The following GREB1L variants were observed in gnomAD, a reference collection of about 807,000 sequenced individuals.
GREB1L encodes the protein GREB1 like retinoic acid receptor coactivator.
GREB1L carries 17 observed loss-of-function variants against 200.8 expected under a neutral mutation model. That is an observed-to-expected ratio of 0.08 (90% CI 0.06 to 0.13). GREB1L has a LOEUF of 0.13. Among genes scored for constraint, GREB1L ranks in the 10% least tolerant of loss-of-function variants. The pLI, the probability that GREB1L is intolerant of heterozygous loss-of-function variation, is 1.00. For missense variants in GREB1L, 1,657 were observed against 2,367.7 expected (o/e 0.70, Z 6.23); for synonymous variants, 789 against 893.0 (o/e 0.88, Z 2.08).
intron 1 of GREB1L, among the ~76,000 whole-genome samples, chr18:21,249,177 A>G (rs2037657920): frequency 1.3e-5 from 2 of 152,024 alleles, no homozygotes; most frequent in African/African-American, 4.8e-5. Flanking sequence ...CTTAGTTACA[A>G]GGGGTTTGGG....
chr18:21,337,903 C>A lies in GREB1L; in HGVS notation c.-119-28124C>A, dbSNP rs2039211204. Among the ~76,000 whole-genome samples the A allele has an allele frequency of 2.0e-5, 3 of 151,992 alleles. No individual in the cohort carries two copies. The South Asian group carries it at 6.2e-4, about 32-fold the overall frequency. On this transcript the variant is annotated intron_variant, in intron 1 of 32. Coordinates refer to ENST00000424526, the MANE Select transcript of GREB1L (RefSeq NM_001142966.3). ...TCGGGAGGCTGAGGCAGGAGAATGG[C>A]GTGAACCTGGGAGGCGGAGCTTGCA...
At chr18:21,276,746 C>T (rs1242889138) in intron 1 of GREB1L, among the ~76,000 whole-genome samples, 4 of 150,652 alleles carry the variant, frequency 2.7e-5, no homozygotes, top group Non-Finnish European at 5.9e-5. Flanking sequence ...TCTAGTCTTT[C>T]TATTAAAAAA....
intron 23 of GREB1L, among the ~76,000 whole-genome samples, chr18:21,504,999 T>C (rs1269292614): frequency 6.6e-6 from 1 of 152,154 alleles, no homozygotes; most frequent in Non-Finnish European, 1.5e-5. Flanking sequence ...TTTTACCAGC[T>C]CCCAGCTGAT....
At chr18:21,328,675 C>T (rs1362772897) in intron 1 of GREB1L, among the ~76,000 whole-genome samples, 7 of 150,870 alleles carry the variant, frequency 4.6e-5, no homozygotes, top group South Asian at 4.2e-4. Context: ...TGTGTGTGTA[C>T]GTGCATATGT....
In GREB1L at chr18:21,500,115, G is replaced by A. The variant is rs753320745; in HGVS notation, c.3778G>A (p.Ala1260Thr). 1.7e-5 allele frequency: 27 copies of A among 1,551,546 alleles called. No homozygotes were observed. The highest frequency in any genetic ancestry group is 4.9e-5 in the East Asian group (2 of 40,928). The change falls in exon 22 of 33, where the codon GCC becomes ACC. Residue 1260 changes from alanine to threonine, a missense_variant. By Grantham distance (58) the Ala-to-Thr change is moderately conservative. Coordinates refer to ENST00000424526, the MANE Select transcript of GREB1L (RefSeq NM_001142966.3). ...ATCCTCCTCCTCCCTGCTGCCCCACGCCGACGTGGCCTGGGTGAGCTCCCT... is the reference window on the plus strand; with the variant it reads ...ATCCTCCTCCTCCCTGCTGCCCCACACCGACGTGGCCTGGGTGAGCTCCCT... ...LPSSSSLLPH[A>T]DVAWVSSLRP... is the part of the protein sequence containing the mutation.
At chr18:21,474,818 TG>T (rs2035621131) in intron 16 of GREB1L, among the ~76,000 whole-genome samples, 1 of 152,218 alleles carries the variant, frequency 6.6e-6, no homozygotes, top group African/African-American at 2.4e-5. Flanking sequence ...CCCATTGTCT[TG>T]GGGATTAAGA....
chr18:21,347,933 A>ATTTTT, intron 1 of GREB1L, among the ~76,000 whole-genome samples: 1 of 77,354 alleles, frequency 1.3e-5, no homozygotes, highest in Non-Finnish European at 2.3e-5. Context: ...CACTCGGCTA[A>ATTTTT]TTTTTTTTTT....
intron 19 of GREB1L, among the ~76,000 whole-genome samples, chr18:21,492,133 T>G (rs1336592198): frequency 3.3e-5 from 5 of 151,628 alleles, no homozygotes; most frequent in African/African-American, 1.2e-4. Flanking sequence ...GATCACAAGG[T>G]CAGGAGATCA....
chr18:21,485,347 C>CAA, intron 17 of GREB1L: 47 of 271,780 alleles, frequency 1.7e-4, no homozygotes, highest in South Asian at 3.0e-4. Context: ...TGTATCCCAA[C>CAA]AAAAAAAAAA....
intron 2 of GREB1L, among the ~76,000 whole-genome samples, chr18:21,373,310 A>G (rs1472087000): frequency 1.3e-5 from 2 of 152,060 alleles, no homozygotes; most frequent in Non-Finnish European, 1.5e-5. Flanking sequence ...CAAAGTGATA[A>G]TTTTATAATT....
chr18:21,410,461 G>A (rs1006792622), intron 7 of GREB1L, among the ~76,000 whole-genome samples: 1 of 151,932 alleles, frequency 6.6e-6, no homozygotes, highest in Admixed American at 6.6e-5. Context: ...TTCAAGACCA[G>A]CCTGGGCAAC....
At chr18:21,419,371 A>T (rs1235316149) in intron 7 of GREB1L, among the ~76,000 whole-genome samples, 5 of 152,258 alleles carry the variant, frequency 3.3e-5, no homozygotes, top group Admixed American at 6.5e-5. Context: ...TAAACATTGC[A>T]GGATACAGGA....
At position 21,315,951 on chromosome 18, in the gene GREB1L, C is replaced by T. The variant is rs140636708; in HGVS notation, c.-119-50076C>T. Among the ~76,000 whole-genome samples the T allele has an allele frequency of 7.4e-4, 113 of 152,292 alleles. 3 individuals are homozygous for T. The highest frequency in any genetic ancestry group is 1.5e-3 in the South Asian group (7 of 4,824). On this transcript the variant is annotated intron_variant, in intron 1 of 32. Transcript: ENST00000424526. ...AACACTCTGTGACCCGACCCTCCCC[C>T]CTGTGGGCCTGGGGTGCACACAGTG...
chr18:21,329,323 T>TA (rs35862944), intron 1 of GREB1L, among the ~76,000 whole-genome samples: 3,900 of 92,162 alleles, frequency 0.042, 96 homozygotes, highest in Non-Finnish European at 0.064. Context: ...AGACTCTGTC[T>TA]AAAAAAAAAA....
rs1350453036 is a variant in GREB1L at position 21,395,500 on chromosome 18, C to T, written c.471C>T (p.Ile157=). The T allele has an allele frequency of 1.3e-6, 2 of 1,551,140 alleles. No homozygotes were observed. The highest frequency in any genetic ancestry group is 1.7e-6 in the Non-Finnish European group (2 of 1,146,752). The change falls in exon 5 of 33, where the codon ATC becomes ATT. Residue 157 remains isoleucine, a synonymous_variant. Transcript: ENST00000424526. The part of the protein sequence containing the change: ...GAKSPNLPEH[I]LVCAVDKRFL... ...AGTCTCCCAATCTGCCTGAACACAT[C>T]CTAGTTTGTGCTGTGGACAAGCGAT...
At chr18:21,313,206 A>G (rs1459110027) in intron 1 of GREB1L, among the ~76,000 whole-genome samples, 1 of 151,882 alleles carries the variant, frequency 6.6e-6, no homozygotes, top group African/African-American at 2.4e-5. Flanking sequence ...TATTGCTGGT[A>G]GTAGAATTTT....
At chr18:21,287,285 A>T (rs1233959409) in intron 1 of GREB1L, among the ~76,000 whole-genome samples, 2 of 152,202 alleles carry the variant, frequency 1.3e-5, no homozygotes, top group Admixed American at 1.3e-4. Context: ...AAAGAATTGC[A>T]TACTCCACAC....
At chr18:21,356,904 TTA>T (rs1401665522) in intron 1 of GREB1L, among the ~76,000 whole-genome samples, 4 of 152,222 alleles carry the variant, frequency 2.6e-5, no homozygotes, top group South Asian at 2.1e-4. Flanking sequence ...TGATTTTAAT[TTA>T]TGTTTCCCTG....
chr18:21,377,547 G>A (rs1210106115), intron 2 of GREB1L, among the ~76,000 whole-genome samples: 3 of 152,200 alleles, frequency 2.0e-5, no homozygotes, highest in Admixed American at 6.5e-5. Context: ...AGGCCGAGGC[G>A]AGCAGACCAC....
Sources: gnomAD v4.1 joint callset for allele counts (sites outside exome capture counted in the v4.1 genomes callset) on GRCh38, gnomAD v4.1.1 for gene constraint, MANE v1.5 for transcripts, NCBI Gene and HGNC (gene_info 2026-07-23, HGNC 2026-07-21) for gene names.